The following GALNT13 variants were observed in gnomAD, a reference collection of about 807,000 sequenced individuals.
GALNT13 encodes the protein polypeptide N-acetylgalactosaminyltransferase 13, also known as UDP-GalNAc:polypeptide N-acetylgalactosaminyltransferase 13.
In GALNT13, 28 loss-of-function variants were observed where a neutral mutation model predicts 64.2. The observed-to-expected ratio is 0.44, with a 90% CI of 0.32 to 0.60. The LOEUF (loss-of-function observed/expected upper bound fraction) is 0.60, where lower values mean the gene tolerates loss of function less well. Among genes scored for constraint, GALNT13 ranks in the 20% least tolerant of loss-of-function variants. The probability of loss-of-function intolerance (pLI) is 0.05; values close to 1 mark genes in which losing one functional copy is unlikely to be tolerated. For synonymous variants in GALNT13, 214 were observed against 224.6 expected, an observed-to-expected ratio of 0.95 and a Z score of 0.42; for missense variants, 577 against 669.8, an observed-to-expected ratio of 0.86 and a Z score of 1.53.
At chr2:153,827,722 C>G in the GALNT13 span, among the ~76,000 whole-genome samples, 1 of 151,928 alleles carries the variant, frequency 6.6e-6, no homozygotes, top group African/African-American at 2.4e-5. Context: ...CATTTCAAAA[C>G]CAGTCATTCC....
the GALNT13 span, among the ~76,000 whole-genome samples, chr2:153,447,098 C>T: frequency 6.6e-6 from 1 of 152,124 alleles, no homozygotes. Context: ...ATTTTTATTT[C>T]AAGTAAATAA....
chr2:153,677,743 C>G, the GALNT13 span, among the ~76,000 whole-genome samples: 1 of 151,570 alleles, frequency 6.6e-6, no homozygotes, highest in Non-Finnish European at 1.5e-5. Context: ...TTACAACCAT[C>G]TGATCTTCAA....
At chr2:153,615,670 G>C in the GALNT13 span, among the ~76,000 whole-genome samples, 10 of 151,872 alleles carry the variant, frequency 6.6e-5, 2 homozygotes, top group Middle Eastern at 3.4e-3. Context: ...TTCCATTTTT[G>C]TTTCCCATTT....
chr2:153,778,121 C>G, the GALNT13 span, among the ~76,000 whole-genome samples: 1 of 152,154 alleles, frequency 6.6e-6, no homozygotes, highest in Non-Finnish European at 1.5e-5. Flanking sequence ...TGCCAGTGTG[C>G]TCCTATGCCG....
the GALNT13 span, among the ~76,000 whole-genome samples, chr2:153,727,380 A>G: frequency 2.0e-5 from 3 of 152,196 alleles, no homozygotes; most frequent in Non-Finnish European, 2.9e-5. Context: ...CAATTTATCC[A>G]TTCTACTGTT....
At chr2:153,263,467 C>G in the GALNT13 span, among the ~76,000 whole-genome samples, 1 of 151,932 alleles carries the variant, frequency 6.6e-6, no homozygotes, top group East Asian at 1.9e-4. Context: ...CATATGAAAC[C>G]AAAAAATTAC....
intron 3 of GALNT13, among the ~76,000 whole-genome samples, chr2:154,007,588 A>G (rs1696343117): frequency 1.3e-5 from 2 of 152,026 alleles, no homozygotes; most frequent in South Asian, 4.2e-4. Flanking sequence ...GAATTTATAT[A>G]CTTAGGAAAA....
At chr2:153,921,005 A>G (rs1689719303) in intron 2 of GALNT13, among the ~76,000 whole-genome samples, 1 of 152,220 alleles carries the variant, frequency 6.6e-6, no homozygotes, top group Admixed American at 6.5e-5. Flanking sequence ...GAGAAAAGGG[A>G]ACGCTTATAC....
chr2:153,547,620 T>C, the GALNT13 span, among the ~76,000 whole-genome samples: 1 of 152,212 alleles, frequency 6.6e-6, no homozygotes, highest in African/African-American at 2.4e-5. Flanking sequence ...ATGTCAAAAA[T>C]TCCCACCCTC....
At chr2:153,473,158 C>T in the GALNT13 span, among the ~76,000 whole-genome samples, 4 of 151,852 alleles carry the variant, frequency 2.6e-5, no homozygotes, top group Non-Finnish European at 5.9e-5. Context: ...ACATGTTCTG[C>T]ACATGTACCC....
At chr2:154,064,319 T>C (rs1028945564) in intron 3 of GALNT13, among the ~76,000 whole-genome samples, 11 of 152,254 alleles carry the variant, frequency 7.2e-5, no homozygotes, top group African/African-American at 2.6e-4. Flanking sequence ...AGAACTGCAA[T>C]TCCTAGGCAA....
the GALNT13 span, among the ~76,000 whole-genome samples, chr2:153,733,040 T>A: frequency 9.2e-5 from 14 of 152,220 alleles, no homozygotes; most frequent in African/African-American, 3.4e-4. Context: ...GGATAAAAAT[T>A]CAACATGTAA....
At chr2:153,989,854 G>A (rs1044077718) in intron 3 of GALNT13, among the ~76,000 whole-genome samples, 5 of 152,002 alleles carry the variant, frequency 3.3e-5, no homozygotes, top group African/African-American at 1.2e-4. Flanking sequence ...GGTGTTTTGG[G>A]TATAGAAAAG....
chr2:153,429,099 A>G, the GALNT13 span, among the ~76,000 whole-genome samples: 2 of 152,112 alleles, frequency 1.3e-5, no homozygotes, highest in African/African-American at 4.8e-5. Flanking sequence ...ACTTCCTGGC[A>G]TCCATGTTAT....
chr2:154,076,763 A>T (rs764957805), intron 3 of GALNT13, among the ~76,000 whole-genome samples: 16 of 151,694 alleles, frequency 1.1e-4, no homozygotes, highest in Non-Finnish European at 2.1e-4. Flanking sequence ...TTTATAAAAC[A>T]TTATACTATT....
rs971094090 is a variant in GALNT13 at position 154,313,775 on chromosome 2, A to G, written c.1156+12186A>G. Among the ~76,000 whole-genome samples, 10 of 152,140 alleles carry G rather than the reference A, an allele frequency of 6.6e-5. No homozygotes were observed. In the East Asian group the frequency reaches 1.7e-3, roughly 27 times the overall value. On this transcript the variant is annotated intron_variant, in intron 9 of 12. Coordinates refer to ENST00000392825, the MANE Select transcript of GALNT13 (RefSeq NM_052917.4). ...GACCTAGTATATGTTGATTCACAGA[A>G]TAAGTACTACCTTCTAGGGTTCAGA... is the stretch of plus-strand genomic sequence containing the variant.
chr2:154,171,041 T>A (rs1315865343), intron 4 of GALNT13, among the ~76,000 whole-genome samples: 1 of 152,248 alleles, frequency 6.6e-6, no homozygotes, highest in East Asian at 1.9e-4. Context: ...GGTTGTAAAT[T>A]ATCAAAAGAA....
At chr2:153,425,145 T>A in the GALNT13 span, among the ~76,000 whole-genome samples, 1 of 151,548 alleles carries the variant, frequency 6.6e-6, no homozygotes, top group Non-Finnish European at 1.5e-5. Context: ...AACTAAAGAA[T>A]AGTATTTATA....
At chr2:153,199,364 C>A in the GALNT13 span, among the ~76,000 whole-genome samples, 1 of 152,208 alleles carries the variant, frequency 6.6e-6, no homozygotes, top group African/African-American at 2.4e-5. Context: ...CATTATCCCT[C>A]ACTCATCCCG....
Sources: gnomAD v4.1 joint callset for allele counts (sites outside exome capture counted in the v4.1 genomes callset) on GRCh38, gnomAD v4.1.1 for gene constraint, MANE v1.5 for transcripts, NCBI Gene and HGNC (gene_info 2026-07-23, HGNC 2026-07-21) for gene names.